Variants in ARHGEF26 observed in about 807,000 individuals in gnomAD.
ARHGEF26 encodes Rho guanine nucleotide exchange factor (GEF) 26.
In ARHGEF26, 59 loss-of-function variants were observed where a neutral mutation model predicts 89.4. That is an observed-to-expected ratio of 0.66 (90% CI 0.54 to 0.82). The LOEUF (loss-of-function observed/expected upper bound fraction) is 0.82. Among genes scored for constraint, ARHGEF26 ranks in the 40% least tolerant of loss-of-function variants. The probability of loss-of-function intolerance (pLI) is 0.00; values close to 1 mark genes in which losing one functional copy is unlikely to be tolerated. For missense variants in ARHGEF26, 1,234 were observed against 1,085.6 expected, an observed-to-expected ratio of 1.14 and a Z score of -1.92; for synonymous variants, 500 against 428.4, an observed-to-expected ratio of 1.17 and a Z score of -2.06.
intron 6 of ARHGEF26, among the ~76,000 whole-genome samples, chr3:154,185,818 C>G (rs1169717538): frequency 1.3e-5 from 2 of 152,144 alleles, no homozygotes; most frequent in Non-Finnish European, 2.9e-5. Context: ...CTGAAGCTAT[C>G]TAAGGGTCCC....
At chr3:154,123,624 A>G (rs1718140267) in intron 2 of ARHGEF26, among the ~76,000 whole-genome samples, 1 of 152,220 alleles carries the variant, frequency 6.6e-6, no homozygotes, top group African/African-American at 2.4e-5. Context: ...CCAGGATCAC[A>G]AAAGACATAA....
At chr3:154,200,470 A>G (rs1408056174) in intron 9 of ARHGEF26, among the ~76,000 whole-genome samples, 1 of 152,008 alleles carries the variant, frequency 6.6e-6, no homozygotes, top group African/African-American at 2.4e-5. Context: ...TCGCTCTGTA[A>G]TATAATTTGA....
intron 4 of ARHGEF26, among the ~76,000 whole-genome samples, chr3:154,145,212 C>G (rs1043312986): frequency 1.3e-5 from 2 of 152,192 alleles, no homozygotes; most frequent in South Asian, 2.1e-4. Flanking sequence ...CAAGCATACT[C>G]TCAAACTGCT....
intron 6 of ARHGEF26, among the ~76,000 whole-genome samples, chr3:154,171,973 TTTC>T (rs1229318197): frequency 3.3e-5 from 5 of 152,170 alleles, no homozygotes; most frequent in East Asian, 1.9e-4. Context: ...TGTAATTTTT[TTTC>T]TTCTTCTTCC....
chr3:154,154,328 C>T (rs1001435820), intron 6 of ARHGEF26, among the ~76,000 whole-genome samples: 9 of 151,980 alleles, frequency 5.9e-5, no homozygotes, highest in Non-Finnish European at 1.3e-4. Context: ...TTTAAAACCT[C>T]AGTGAGTACC....
Position 154,187,411 on chromosome 3 carries a change from G to A in ARHGEF26, c.1488-274G>A, listed in dbSNP as rs920381620. On this transcript the variant is annotated intron_variant, in intron 6 of 14. Coordinates refer to ENST00000465093, the MANE Select transcript of ARHGEF26 (RefSeq NM_015595.4). ...TTTTTTTTTTTTTTGGTTTTGTCTT[G>A]TCTTGAACTCCTGGCCTCAAGTGAT... 2.3e-4 allele frequency among the ~76,000 whole-genome samples: 18 copies of A among 78,566 alleles called. No individual in the cohort carries two copies. The South Asian group carries it at 4.3e-3, about 19-fold the overall frequency. 51.5% of individuals were successfully genotyped at this position (78,566 alleles called of 152,430 possible).
intron 6 of ARHGEF26, among the ~76,000 whole-genome samples, chr3:154,156,341 A>T (rs575686936): frequency 4.2e-4 from 64 of 152,112 alleles, no homozygotes; most frequent in Non-Finnish European, 7.7e-4. Context: ...TATCTCTGTC[A>T]TAGCTTATCG....
At chr3:154,225,460 A>T (rs1331165416) in intron 10 of ARHGEF26, among the ~76,000 whole-genome samples, 1 of 152,020 alleles carries the variant, frequency 6.6e-6, no homozygotes, top group Admixed American at 6.5e-5. Flanking sequence ...GTATGTTTAG[A>T]TTCTGATTTG....
intron 9 of ARHGEF26, among the ~76,000 whole-genome samples, chr3:154,213,221 G>T (rs1715495465): frequency 7.0e-6 from 1 of 142,512 alleles, no homozygotes; most frequent in Non-Finnish European, 1.6e-5. Flanking sequence ...GAGAGAGTGT[G>T]TGTGTGTGTG....
rs113680515 is a variant in ARHGEF26 at position 154,195,712 on chromosome 3, A to G, written c.1845+994A>G. Among the ~76,000 whole-genome samples, 214 of 152,256 alleles carry G rather than the reference A, an allele frequency of 1.4e-3. 2 individuals carry two copies. Among genetic ancestry groups the G allele is most frequent in the African/African-American group, 4.9e-3 (203 of 41,542 alleles). On this transcript the variant is annotated intron_variant, in intron 9 of 14. Coordinates refer to ENST00000465093, the MANE Select transcript of ARHGEF26 (RefSeq NM_015595.4). ...CATTGAGATTCCTATAGAACGTCCAAGTTGGCTAAATAAACAAATCAGAAG... is the reference window on the plus strand; with the variant it reads ...CATTGAGATTCCTATAGAACGTCCAGGTTGGCTAAATAAACAAATCAGAAG...
In ARHGEF26 at chr3:154,254,952, T is replaced by C. The variant is rs146870854; in HGVS notation, c.2473+128T>C. 371 of 782,680 alleles carry C rather than the reference T, an allele frequency of 4.7e-4. 4 individuals carry two copies. The East Asian group carries it at 8.8e-3, about 19-fold the overall frequency. 48.5% of individuals were successfully genotyped at this position (782,680 alleles called of 1,614,324 possible). ...ACATGTTAATGTTTGAGATCACATA[T>C]ATGTACTGTCTTCTCATCTCTAAGG... On this transcript the variant is annotated intron_variant, in intron 14 of 14. Coordinates refer to ENST00000465093, the MANE Select transcript of ARHGEF26 (RefSeq NM_015595.4).
chr3:154,240,968 C>A (rs1360240660), intron 12 of ARHGEF26, among the ~76,000 whole-genome samples: 1 of 152,138 alleles, frequency 6.6e-6, no homozygotes, highest in Non-Finnish European at 1.5e-5. Flanking sequence ...GAATTCAGGT[C>A]GTTTCTCAGT....
At chr3:154,165,838 T>C (rs908430392) in intron 6 of ARHGEF26, among the ~76,000 whole-genome samples, 22 of 152,174 alleles carry the variant, frequency 1.4e-4, no homozygotes, top group Admixed American at 1.4e-3. Context: ...AGAATTCTTT[T>C]TCGTACCATT....
At chr3:154,139,272 G>A (rs1719210123) in intron 4 of ARHGEF26, among the ~76,000 whole-genome samples, 1 of 152,082 alleles carries the variant, frequency 6.6e-6, no homozygotes, top group Non-Finnish European at 1.5e-5. Flanking sequence ...GGGCCCCTGG[G>A]CTCATCCTTG....
intron 6 of ARHGEF26, among the ~76,000 whole-genome samples, chr3:154,167,643 G>A (rs1259251234): frequency 1.3e-5 from 2 of 152,128 alleles, no homozygotes; most frequent in Admixed American, 1.3e-4. Flanking sequence ...TGATCCTTTA[G>A]CTACAATATG....
At chr3:154,177,353 A>C (rs1325903951) in intron 6 of ARHGEF26, among the ~76,000 whole-genome samples, 2 of 152,190 alleles carry the variant, frequency 1.3e-5, no homozygotes, top group Non-Finnish European at 2.9e-5. Flanking sequence ...TATAAAAGCA[A>C]ACTTCCCTTA....
At chr3:154,254,309 G>A (rs1718344261) in intron 13 of ARHGEF26, among the ~76,000 whole-genome samples, 1 of 152,112 alleles carries the variant, frequency 6.6e-6, no homozygotes, top group Non-Finnish European at 1.5e-5. Flanking sequence ...ACTTTCATGT[G>A]CTGCTGTTGG....
At chr3:154,237,075 T>A (rs1275567916) in intron 11 of ARHGEF26, among the ~76,000 whole-genome samples, 1 of 152,206 alleles carries the variant, frequency 6.6e-6, no homozygotes, top group African/African-American at 2.4e-5. Context: ...CAGTTTATCA[T>A]TCAAACTGGA....
At chr3:154,216,312 A>T (rs1291981008) in intron 9 of ARHGEF26, among the ~76,000 whole-genome samples, 1 of 151,734 alleles carries the variant, frequency 6.6e-6, no homozygotes, top group Non-Finnish European at 1.5e-5. Context: ...GTGAATTAAG[A>T]TTAGGTACTC....
Sources: allele counts gnomAD v4.1 joint callset (sites outside exome capture counted in the v4.1 genomes callset), GRCh38; gene constraint gnomAD v4.1.1; transcripts MANE v1.5; gene names NCBI Gene and HGNC (gene_info 2026-07-23, HGNC 2026-07-21).